The following CFAP91 variants were observed in gnomAD, a reference collection of about 807,000 sequenced individuals.
CFAP91 encodes the protein cilia and flagella associated protein 91.
A neutral mutation model predicts 95.9 loss-of-function variants in CFAP91; 85 were observed. That is an observed-to-expected ratio of 0.89 (90% CI 0.74 to 1.06). CFAP91 has a LOEUF of 1.06. CFAP91 is among the 50% of genes least tolerant of loss of function. The pLI is 0.00. For missense variants in CFAP91, 962 were observed against 943.4 expected (o/e 1.02, Z -0.26); for synonymous variants, 335 against 327.5 (o/e 1.02, Z -0.25).
intron 5 of CFAP91, among the ~76,000 whole-genome samples, chr3:119,713,893 A>G (rs962511480): frequency 1.3e-5 from 2 of 152,054 alleles, no homozygotes; most frequent in African/African-American, 4.8e-5. Flanking sequence ...ATTATTTTGA[A>G]TAGCTGCATA....
chr3:119,746,537 C>T (rs2054221560), intron 14 of CFAP91, among the ~76,000 whole-genome samples: 2 of 152,150 alleles, frequency 1.3e-5, no homozygotes, highest in African/African-American at 4.8e-5. Flanking sequence ...AGCATTATGT[C>T]CTCATGAAAG....
intron 6 of CFAP91, among the ~76,000 whole-genome samples, chr3:119,724,489 A>C (rs2053743068): frequency 6.6e-6 from 1 of 152,192 alleles, no homozygotes; most frequent in African/African-American, 2.4e-5. Flanking sequence ...AAATTACTAA[A>C]GAAAATGCCA....
intron 17 of CFAP91, among the ~76,000 whole-genome samples, chr3:119,761,614 C>T (rs1244784922): frequency 1.3e-5 from 2 of 151,668 alleles, no homozygotes; most frequent in Non-Finnish European, 1.5e-5. Context: ...AAACTAAATT[C>T]AACAAATTAA....
intron 6 of CFAP91, among the ~76,000 whole-genome samples, chr3:119,722,477 G>T (rs540597381): frequency 1.2e-4 from 18 of 151,932 alleles, no homozygotes; most frequent in African/African-American, 4.3e-4. Context: ...AAAAAATCTT[G>T]AAAAAAATTA....
At chr3:119,741,555 T>C (rs970591394) in intron 13 of CFAP91, among the ~76,000 whole-genome samples, 1 of 152,204 alleles carries the variant, frequency 6.6e-6, no homozygotes, top group African/African-American at 2.4e-5. Context: ...ACTGTAAATA[T>C]TTTTCCTATT....
chr3:119,730,134 A>G, intron 7 of CFAP91, 86 bp from the exon 8 acceptor site: 2 of 1,368,880 alleles, frequency 1.5e-6, no homozygotes, highest in Admixed American at 2.1e-5. Context: ...AGCAGCCCAC[A>G]GAGAAGAGCC....
intron 6 of CFAP91, among the ~76,000 whole-genome samples, chr3:119,719,860 T>C (rs1002356294): frequency 2.0e-5 from 3 of 152,136 alleles, no homozygotes; most frequent in Non-Finnish European, 2.9e-5. Context: ...CCCAGCACTT[T>C]GGGAGGCTGA....
rs2053730181 is a variant in CFAP91, at chr3:119,723,865, A to C, written c.683-2306A>C. ...CATTAGAAAAGTGCTTGGCATAATA[A>C]AAGTGCTTAAATAGCCAGGCATGAT... On this transcript the variant is annotated intron_variant, in intron 6 of 17. Coordinates refer to ENST00000273390, the MANE Select transcript of CFAP91 (RefSeq NM_033364.4). Among the ~76,000 whole-genome samples the C allele has an allele frequency of 4.6e-5, 7 of 152,266 alleles. No homozygotes were observed. The South Asian group carries it at 1.5e-3, about 32-fold the overall frequency.
intron 11 of CFAP91, among the ~76,000 whole-genome samples, 178 bp downstream of exon 11, chr3:119,737,660 A>T (rs2054037349): frequency 6.6e-6 from 1 of 152,236 alleles, no homozygotes; most frequent in Non-Finnish European, 1.5e-5. Flanking sequence ...AACGAGATGA[A>T]ATGAAATCTA....
rs187772108 is a variant in CFAP91, at chr3:119,707,935, A to T, written c.359+374A>T. Among the ~76,000 whole-genome samples, 598 of 152,162 alleles carry T rather than the reference A, an allele frequency of 3.9e-3. 3 individuals carry two copies. Among genetic ancestry groups the T allele is most frequent in the African/African-American group, 0.013 (557 of 41,524 alleles). On this transcript the variant is annotated intron_variant, in intron 3 of 17. Transcript: ENST00000273390. ...TTCTTTATTCTTTTAATTACTTACAAGTTCACATTTAGTAAATTAAAAATT... is the reference window on the plus strand; with the variant it reads ...TTCTTTATTCTTTTAATTACTTACATGTTCACATTTAGTAAATTAAAAATT...
Position 119,726,257 on chromosome 3 carries a change from C to G in CFAP91, c.769C>G (p.Leu257Val), listed in dbSNP as rs1185471440. 4 of 1,613,784 alleles carry G rather than the reference C, an allele frequency of 2.5e-6. No homozygotes were observed. The African/African-American group carries it at 5.3e-5, about 22-fold the overall frequency. ...KRAWEASLPA[L>V]SDTSQFEKRR... ...TGCTTGGGAAGCCTCTCTCCCCGCT[C>G]TGAGTGACACCTCCCAGTTTGAGAA... Residue 257 changes from leucine to valine, a missense_variant, in exon 7 of 18, where the codon CTG (leucine) becomes GTG (valine). Leu to Val is a conservative substitution (Grantham distance 32). Coordinates refer to ENST00000273390, the MANE Select transcript of CFAP91 (RefSeq NM_033364.4).
In CFAP91 at chr3:119,732,482, C is replaced by G; in HGVS notation, c.1201+6C>G. 1 of 1,536,596 alleles carries G rather than the reference C, an allele frequency of 6.5e-7. No homozygotes were observed. ...CTATCTCAACACCTATGAAGGTAAG[C>G]AATTTACATAATTAGAAATCCAGTA... On this transcript the variant is annotated splice_donor_region_variant and intron_variant, in intron 9 of 17. Coordinates refer to ENST00000273390, the MANE Select transcript of CFAP91 (RefSeq NM_033364.4).
At chr3:119,751,640 C>A (rs2107914025) in intron 17 of CFAP91, among the ~76,000 whole-genome samples, 1 of 152,302 alleles carries the variant, frequency 6.6e-6, no homozygotes, top group African/African-American at 2.4e-5. Context: ...CAGCTTCCAG[C>A]AAGGCAACAT....
At chr3:119,714,123 G>C (rs1447203086) in intron 5 of CFAP91, among the ~76,000 whole-genome samples, 1 of 151,884 alleles carries the variant, frequency 6.6e-6, no homozygotes, top group African/African-American at 2.4e-5. Context: ...AGCACTTTGG[G>C]AGGCAGAGAC....
intron 17 of CFAP91, among the ~76,000 whole-genome samples, chr3:119,763,213 G>A (rs532309054): frequency 6.6e-6 from 1 of 151,924 alleles, no homozygotes; most frequent in East Asian, 1.9e-4. Flanking sequence ...ACAGATACAT[G>A]AAAAAAATGC....
intron 13 of CFAP91, among the ~76,000 whole-genome samples, chr3:119,743,501 G>T (rs774360439): frequency 6.6e-6 from 1 of 152,118 alleles, no homozygotes; most frequent in Non-Finnish European, 1.5e-5. Context: ...CTACTTTCAC[G>T]TTATTCAAGA....
chr3:119,729,547 C>G (rs2053853509), intron 7 of CFAP91, among the ~76,000 whole-genome samples: 1 of 151,536 alleles, frequency 6.6e-6, no homozygotes. Context: ...GGGAGGCTGA[C>G]CCATGAAAAC....
chr3:119,758,285 A>G (rs556646364), intron 17 of CFAP91, among the ~76,000 whole-genome samples: 1 of 152,308 alleles, frequency 6.6e-6, no homozygotes, highest in African/African-American at 2.4e-5. Flanking sequence ...ATATTTTTTA[A>G]TGAATCTATC....
chr3:119,735,805 A>T (rs965654215), intron 10 of CFAP91, among the ~76,000 whole-genome samples: 2 of 152,184 alleles, frequency 1.3e-5, no homozygotes, highest in South Asian at 2.1e-4. Context: ...TGCTATATAT[A>T]ATCAGCCAAT....
Sources: allele counts gnomAD v4.1 joint callset (sites outside exome capture counted in the v4.1 genomes callset), GRCh38; gene constraint gnomAD v4.1.1; transcripts MANE v1.5; gene names NCBI Gene and HGNC (gene_info 2026-07-23, HGNC 2026-07-21).